TSHR: variants seen among roughly 807,000 people sequenced by gnomAD.
TSHR encodes thyrotropin receptor.
Under a neutral mutation model 64.1 loss-of-function variants are expected in TSHR, and 51 were observed. That is an observed-to-expected ratio of 0.80 (90% CI 0.64 to 1.01). TSHR has a LOEUF of 1.01. TSHR is among the 50% of genes least tolerant of loss of function. The pLI, the probability that TSHR is intolerant of heterozygous loss-of-function variation, is 0.00. For missense variants in TSHR, 877 were observed against 942.8 expected (o/e 0.93, Z 0.91); for synonymous variants, 361 against 361.9 (o/e 1.00, Z 0.03).
At chr14:81,066,691 C>A (rs959486887) in intron 2 of TSHR, among the ~76,000 whole-genome samples, 2 of 152,146 alleles carry the variant, frequency 1.3e-5, no homozygotes, top group African/African-American at 4.8e-5. Context: ...GGCTAAGAAG[C>A]TTTTGAAAAA....
chr14:81,143,732 G>A lies in TSHR; in HGVS notation c.1674G>A (p.Val558=). The change falls in exon 10 of 10, where the codon GTG becomes GTA. Residue 558 remains valine, a synonymous_variant. Coordinates refer to ENST00000298171, the MANE Select transcript of TSHR (RefSeq NM_000369.5). Reference sequence around the variant, plus strand: ...TCCTTCTCGCCCTGCTTCCTTTGGTGGGAATAAGTAGCTATGCCAAAGTCA... The same window carrying A: ...TCCTTCTCGCCCTGCTTCCTTTGGTAGGAATAAGTAGCTATGCCAAAGTCA... ...CCFLLALLPL[V]GISSYAKVSI... 6.2e-7 allele frequency: 1 copy of A among 1,614,176 alleles called. No homozygotes were observed.
At chr14:81,022,785 C>T (rs1594963875) in intron 1 of TSHR, among the ~76,000 whole-genome samples, 1 of 152,012 alleles carries the variant, frequency 6.6e-6, no homozygotes, top group East Asian at 1.9e-4. Flanking sequence ...CATGCCACTG[C>T]ACTCCAGCCC....
chr14:81,068,249 T>G lies in TSHR; in HGVS notation c.243-5T>G. 6.2e-7 allele frequency: 1 copy of G among 1,612,596 alleles called. No homozygotes were observed. Among genetic ancestry groups the G allele is most frequent in the Non-Finnish European group, 8.5e-7 (1 of 1,179,064 alleles). On this transcript the variant is annotated splice_region_variant and splice_polypyrimidine_tract_variant and intron_variant, in intron 2 of 9. Coordinates refer to ENST00000298171, the MANE Select transcript of TSHR (RefSeq NM_000369.5). The stretch of plus-strand genomic sequence containing the variant: ...TACTTTGTCTTATATTTTTCTGACA[T>G]TCAGCTACGTATCTATAGATGTGAC...
intron 8 of TSHR, among the ~76,000 whole-genome samples, chr14:81,125,384 TA>T (rs1404228591): frequency 1.3e-5 from 2 of 152,148 alleles, no homozygotes; most frequent in Non-Finnish European, 2.9e-5. Context: ...ATGGACAACC[TA>T]ATCTGACGCA....
rs765111220 is a variant in TSHR at position 81,139,841 on chromosome 14, T to G, written c.855T>G (p.Ala285=). 8.1e-6 allele frequency: 13 copies of G among 1,614,082 alleles called. No homozygotes were observed. Among genetic ancestry groups the G allele is most frequent in the Middle Eastern group, 1.6e-4 (1 of 6,084 alleles). The change falls in exon 9 of 10, where the codon GCT becomes GCG. Residue 285 remains alanine, a synonymous_variant. Coordinates refer to ENST00000298171, the MANE Select transcript of TSHR (RefSeq NM_000369.5). Reference sequence around the variant, plus strand: ...TTTCTTACCCAAGCCACTGCTGTGCTTTTAAGAATCAGAAGAAAATCAGAG... The same window carrying G: ...TTTCTTACCCAAGCCACTGCTGTGCGTTTAAGAATCAGAAGAAAATCAGAG... ...ADLSYPSHCC[A]FKNQKKIRGI... is the part of the protein sequence containing the mutation.
chr14:80,982,737 C>A, intron 1 of TSHR: 2 of 767,620 alleles, frequency 2.6e-6, no homozygotes, highest in Non-Finnish European at 4.0e-6. Flanking sequence ...TTGTTTTGGC[C>A]TCAGCTGAAG....
Position 81,144,092 on chromosome 14 carries a change from T to G in TSHR, c.2034T>G (p.Tyr678Ter), listed in dbSNP as rs370709283. The change falls in exon 10 of 10, where the codon TAT becomes TAG. Residue 678 changes from tyrosine to a stop codon, truncating the protein, a stop_gained. Transcript: ENST00000298171. LOFTEE classifies it high-confidence loss of function. ...PLNSCANPFL[Y>*]AIFTKAFQRD... is the part of the protein sequence containing the mutation. ...ACTCCTGTGCCAATCCATTCCTCTA[T>G]GCTATTTTCACCAAGGCCTTCCAGA... The G allele has an allele frequency of 2.6e-5, 42 of 1,614,072 alleles. No individual in the cohort carries two copies. Among genetic ancestry groups the G allele is most frequent in the Non-Finnish European group, 3.6e-5 (42 of 1,180,052 alleles).
chr14:81,076,781 T>C (rs1277850045), intron 3 of TSHR, among the ~76,000 whole-genome samples: 2 of 152,222 alleles, frequency 1.3e-5, no homozygotes, highest in East Asian at 1.9e-4. Context: ...ATATCTTAAC[T>C]GGTATTCCCA....
intron 1 of TSHR, chr14:81,051,605 A>G (rs1027198039): frequency 6.6e-6 from 1 of 152,176 alleles, no homozygotes; most frequent in Non-Finnish European, 1.5e-5. Flanking sequence ...TTTTTTAAAT[A>G]ACCTTCATAC....
chr14:81,044,789 A>G (rs112818495), intron 1 of TSHR, among the ~76,000 whole-genome samples: 9 of 152,268 alleles, frequency 5.9e-5, no homozygotes, highest in African/African-American at 2.2e-4. Context: ...AGAATGCTAT[A>G]CACTGTCGGT....
intron 7 of TSHR, 95 bp downstream of exon 7, chr14:81,096,802 G>A (rs1889227616): frequency 1.5e-6 from 2 of 1,365,768 alleles, no homozygotes; most frequent in South Asian, 2.4e-5. Flanking sequence ...TTCTACCAGA[G>A]CATCTTCCAC....
chr14:81,006,874 G>T (rs1889635122), intron 1 of TSHR, among the ~76,000 whole-genome samples: 1 of 152,094 alleles, frequency 6.6e-6, no homozygotes, highest in African/African-American at 2.4e-5. Flanking sequence ...TTTGGATGGG[G>T]ACACAAGTTA....
chr14:81,029,585 A>C (rs1224087539), intron 1 of TSHR, among the ~76,000 whole-genome samples: 1 of 152,190 alleles, frequency 6.6e-6, no homozygotes, highest in African/African-American at 2.4e-5. Flanking sequence ...TGAGAAAAAA[A>C]CCCAAATCAA....
intron 8 of TSHR, among the ~76,000 whole-genome samples, chr14:81,116,244 T>A (rs1360970694): frequency 7.0e-6 from 1 of 142,802 alleles, no homozygotes; most frequent in East Asian, 2.1e-4. Flanking sequence ...GCAAATTGGA[T>A]AAAGAGTCAA....
At position 81,005,249 on chromosome 14, in the gene TSHR, G is replaced by A. The variant is rs749837991; in HGVS notation, c.170+49399G>A. Among the ~76,000 whole-genome samples the A allele has an allele frequency of 6.3e-5, 9 of 143,872 alleles. 1 individual carries two copies. The East Asian group carries it at 1.4e-3, about 22-fold the overall frequency. The allele number at this position is 143,872 out of a possible 152,430, so 94.4% of individuals were successfully genotyped here. ...TGTGTGTGTGTGTGTGTGCACGCAC[G>A]CACGTGTATCTCTGTGTGTGTACTC... On this transcript the variant is annotated intron_variant, in intron 1 of 9. Coordinates refer to ENST00000298171, the MANE Select transcript of TSHR (RefSeq NM_000369.5).
In TSHR at chr14:81,062,135, G is replaced by A. The variant is rs1449544843; in HGVS notation, c.171-13G>A. ...TGATTAAAACTCTAATTATGTAACT[G>A]TTATTTTCACAGGAAGCTTATTGAG... On this transcript the variant is annotated splice_polypyrimidine_tract_variant and intron_variant, in intron 1 of 9. Coordinates refer to ENST00000298171, the MANE Select transcript of TSHR (RefSeq NM_000369.5). 3 of 1,606,106 alleles carry A rather than the reference G, an allele frequency of 1.9e-6. No individual in the cohort carries two copies. The highest frequency in any genetic ancestry group is 2.6e-6 in the Non-Finnish European group (3 of 1,174,244).
intron 8 of TSHR, among the ~76,000 whole-genome samples, chr14:81,136,133 G>A (rs1268555072): frequency 6.6e-6 from 1 of 152,202 alleles, no homozygotes; most frequent in South Asian, 2.1e-4. Flanking sequence ...TAGGAAGCGT[G>A]GATGTTATTC....
At chr14:81,115,158 C>T (rs1228172576) in intron 8 of TSHR, among the ~76,000 whole-genome samples, 1 of 152,112 alleles carries the variant, frequency 6.6e-6, no homozygotes, top group Non-Finnish European at 1.5e-5. Context: ...TCCTCACCAG[C>T]AACGGAACAA....
intron 1 of TSHR, among the ~76,000 whole-genome samples, chr14:81,031,873 T>C (rs1032073839): frequency 6.6e-6 from 1 of 152,048 alleles, no homozygotes; most frequent in African/African-American, 2.4e-5. Flanking sequence ...CCCAACTGAC[T>C]CCCTAGGACA....
Sources: gnomAD v4.1 joint callset for allele counts (sites outside exome capture counted in the v4.1 genomes callset) on GRCh38, gnomAD v4.1.1 for gene constraint, MANE v1.5 for transcripts, NCBI Gene and HGNC (gene_info 2026-07-23, HGNC 2026-07-21) for gene names.